The following PTPRG variants were observed in gnomAD, a reference collection of about 807,000 sequenced individuals.
The protein encoded by PTPRG is protein tyrosine phosphatase receptor type G, also known as receptor-type tyrosine-protein phosphatase gamma.
A neutral mutation model predicts 165.3 loss-of-function variants in PTPRG; 102 were observed. The ratio of observed to expected loss-of-function variants is 0.62; its 90% CI spans 0.53 to 0.73. PTPRG has a LOEUF of 0.73. PTPRG is among the 30% of genes least tolerant of loss of function. The pLI, the probability that PTPRG is intolerant of heterozygous loss-of-function variation, is 0.00. For synonymous variants in PTPRG, 675 were observed against 669.5 expected (o/e 1.01, Z -0.13); for missense variants, 1,866 against 1,861.4 (o/e 1.00, Z -0.05).
intron 1 of PTPRG, among the ~76,000 whole-genome samples, chr3:61,685,758 A>G (rs920282786): frequency 2.6e-5 from 4 of 152,126 alleles, no homozygotes; most frequent in African/African-American, 9.7e-5. Context: ...CATGTAGTTT[A>G]TTTCCTACAC....
At chr3:62,075,841 G>A (rs923323431) in intron 4 of PTPRG, among the ~76,000 whole-genome samples, 15 of 152,144 alleles carry the variant, frequency 9.9e-5, no homozygotes, top group African/African-American at 3.6e-4. Context: ...GAAAAGTAGG[G>A]AAATAGAGGT....
At chr3:61,816,769 G>C (rs1424187471) in intron 2 of PTPRG, among the ~76,000 whole-genome samples, 3 of 151,702 alleles carry the variant, frequency 2.0e-5, no homozygotes, top group Admixed American at 6.6e-5. Context: ...GGTTGAGTAT[G>C]ATTGTGAAGG....
chr3:61,997,615 C>G (rs1359729442), intron 3 of PTPRG, among the ~76,000 whole-genome samples: 1 of 152,160 alleles, frequency 6.6e-6, no homozygotes, highest in East Asian at 1.9e-4. Context: ...AGGTGCTACC[C>G]CTTGTCCCAC....
rs766319848 is a variant in PTPRG, at chr3:61,746,591, C to G, written c.86-2287C>G. On this transcript the variant is annotated intron_variant, in intron 1 of 29. Transcript: ENST00000474889. ...CCCTTACTTGGTCCTCAACCACCCC[C>G]CGAGGCTTCCACTTTGTCTAATACC... Among the ~76,000 whole-genome samples, 4 of 152,172 alleles carry G rather than the reference C, an allele frequency of 2.6e-5. No homozygotes were observed. The East Asian group carries it at 7.7e-4, about 29-fold the overall frequency.
chr3:61,840,315 A>G (rs1391947728), intron 2 of PTPRG, among the ~76,000 whole-genome samples: 1 of 152,048 alleles, frequency 6.6e-6, no homozygotes, highest in African/African-American at 2.4e-5. Context: ...ACCCATTTCG[A>G]TCTGTATTCT....
chr3:62,117,247 A>C (rs1316202403), intron 5 of PTPRG, among the ~76,000 whole-genome samples: 1 of 152,216 alleles, frequency 6.6e-6, no homozygotes, highest in Non-Finnish European at 1.5e-5. Context: ...TGTAAGAATA[A>C]AGTTTGAGAA....
In PTPRG at chr3:61,958,770, G is replaced by C. The variant is rs1012044844; in HGVS notation, c.191-30855G>C. ...TTATAATTAATTGCTTGTTGAATTG[G>C]AGATAGTCACATTTTTCTAACCTAA... On this transcript the variant is annotated intron_variant, in intron 2 of 29. Transcript: ENST00000474889. 1.7e-4 allele frequency among the ~76,000 whole-genome samples: 26 copies of C among 152,116 alleles called. 1 individual carries two copies. Among genetic ancestry groups the C allele is most frequent in the Admixed American group, 1.7e-3 (26 of 15,264 alleles).
intron 1 of PTPRG, among the ~76,000 whole-genome samples, chr3:61,736,585 A>C (rs1413111740): frequency 6.6e-6 from 1 of 152,194 alleles, no homozygotes; most frequent in African/African-American, 2.4e-5. Context: ...TAGGCATTTG[A>C]CCAAGTAAAT....
At chr3:62,136,396 G>A (rs1374503776) in intron 6 of PTPRG, among the ~76,000 whole-genome samples, 2 of 152,198 alleles carry the variant, frequency 1.3e-5, no homozygotes, top group Non-Finnish European at 2.9e-5. Flanking sequence ...AGATTATCCA[G>A]ACAGAGAAGG....
chr3:62,069,684 T>TCACACACA lies in PTPRG; in HGVS notation c.520-8478_520-8471dup, dbSNP rs1553712762. ...CTCTCTCTCTCTCTCTCTCTCTCTC[T>TCACACACA]CACACACAGACACACGCACACACAC... On this transcript the variant is annotated intron_variant, in intron 4 of 29. Coordinates refer to ENST00000474889, the MANE Select transcript of PTPRG (RefSeq NM_002841.4). Among the ~76,000 whole-genome samples the TCACACACA allele has an allele frequency of 4.7e-3, 676 of 144,888 alleles. 4 individuals are homozygous for TCACACACA. The highest frequency in any genetic ancestry group is 0.033 in the Middle Eastern group (9 of 274).
At chr3:61,836,440 C>G (rs867590497) in intron 2 of PTPRG, among the ~76,000 whole-genome samples, 1 of 152,156 alleles carries the variant, frequency 6.6e-6, no homozygotes, top group Non-Finnish European at 1.5e-5. Flanking sequence ...CAGTTCCAAA[C>G]AAGACACTAG....
rs77089774 is a variant in PTPRG, at chr3:61,653,140, A to G, written c.85+90768A>G. Among the ~76,000 whole-genome samples, 779 of 152,348 alleles carry G rather than the reference A, an allele frequency of 5.1e-3. 8 individuals carry two copies. The highest frequency in any genetic ancestry group is 0.018 in the African/African-American group (761 of 41,566). On this transcript the variant is annotated intron_variant, in intron 1 of 29. Transcript: ENST00000474889. ...TTTAAAAAATCATCTCACAATGTAG[A>G]GATGAATGTGACTTAATGTCACTAC...
At chr3:61,932,836 G>A (rs1001206574) in intron 2 of PTPRG, among the ~76,000 whole-genome samples, 6 of 152,168 alleles carry the variant, frequency 3.9e-5, no homozygotes, top group African/African-American at 2.4e-5. Flanking sequence ...TTCAGGCGCA[G>A]CATTCTCGTG....
At chr3:61,909,448 C>G (rs1299684188) in intron 2 of PTPRG, among the ~76,000 whole-genome samples, 3 of 152,106 alleles carry the variant, frequency 2.0e-5, no homozygotes, top group Non-Finnish European at 4.4e-5. Context: ...TTCTTGGGGC[C>G]AAGCAATCCT....
intron 2 of PTPRG, among the ~76,000 whole-genome samples, chr3:61,816,651 C>T (rs181953611): frequency 2.0e-5 from 3 of 152,140 alleles, no homozygotes; most frequent in Admixed American, 1.3e-4. Flanking sequence ...CAGAAAAATC[C>T]CAATGGCTAC....
chr3:62,242,805 G>T (rs985728294), intron 14 of PTPRG, among the ~76,000 whole-genome samples: 2 of 152,090 alleles, frequency 1.3e-5, no homozygotes, highest in African/African-American at 4.8e-5. Context: ...TGGAATACGG[G>T]CCCCAGAAAA....
chr3:61,977,236 C>G (rs565576120), intron 2 of PTPRG, among the ~76,000 whole-genome samples: 17 of 150,544 alleles, frequency 1.1e-4, no homozygotes, highest in Middle Eastern at 3.4e-3. Context: ...TCACCGGGAG[C>G]AAGACCACCC....
chr3:61,951,852 G>A (rs1661729903), intron 2 of PTPRG, among the ~76,000 whole-genome samples: 1 of 152,120 alleles, frequency 6.6e-6, no homozygotes, highest in African/African-American at 2.4e-5. Flanking sequence ...TGGCGTGGTG[G>A]CTCACGCCTG....
At chr3:61,701,357 C>T (rs2030945964) in intron 1 of PTPRG, among the ~76,000 whole-genome samples, 1 of 152,144 alleles carries the variant, frequency 6.6e-6, no homozygotes, top group African/African-American at 2.4e-5. Context: ...CAGGATGCTG[C>T]TGGGCTAGTG....
Sources: allele counts gnomAD v4.1 joint callset (sites outside exome capture counted in the v4.1 genomes callset), GRCh38; gene constraint gnomAD v4.1.1; transcripts MANE v1.5; gene names NCBI Gene and HGNC (gene_info 2026-07-23, HGNC 2026-07-21).